The following CNTN4 variants were observed in gnomAD, a reference collection of about 807,000 sequenced individuals.
The protein encoded by CNTN4 is contactin-4.
Under a neutral mutation model 122.5 loss-of-function variants are expected in CNTN4, and 77 were observed. The observed-to-expected ratio is 0.63, with a 90% CI of 0.52 to 0.76. CNTN4 has a LOEUF of 0.76. Ranked by LOEUF, CNTN4 falls within the 30% of genes least tolerant of loss-of-function variation. CNTN4 has a pLI of 0.00. For missense variants in CNTN4, 1,256 were observed against 1,259.1 expected, an observed-to-expected ratio of 1.00 and a Z score of 0.04; for synonymous variants, 512 against 447.0, an observed-to-expected ratio of 1.15 and a Z score of -1.83.
At chr3:2,501,719 C>G (rs2076599207) in intron 3 of CNTN4, among the ~76,000 whole-genome samples, 1 of 152,168 alleles carries the variant, frequency 6.6e-6, no homozygotes, top group Non-Finnish European at 1.5e-5. Flanking sequence ...TCTAGGATAA[C>G]ATCCCATGTT....
rs965458583 is a variant in CNTN4 at position 2,917,086 on chromosome 3, G to A, written c.1208-8543G>A. ...AGGCCGAGGCTGGCGGATCACTCGC[G>A]GTTAGGAGCTGGAGACCAGCCCGGC... On this transcript the variant is annotated intron_variant, in intron 12 of 24. Coordinates refer to ENST00000418658, the MANE Select transcript of CNTN4 (RefSeq NM_175607.3). Among the ~76,000 whole-genome samples, 4 of 128,018 alleles carry A rather than the reference G, an allele frequency of 3.1e-5. 1 individual carries two copies. The highest frequency in any genetic ancestry group is 5.9e-5 in the African/African-American group (2 of 33,796). The allele number at this position is 128,018 out of a possible 152,430, so 84.0% of individuals were successfully genotyped here. A position where few individuals can be genotyped will look rare whatever the true frequency, so the allele number is the denominator to read the frequency against.
intron 2 of CNTN4, among the ~76,000 whole-genome samples, chr3:2,274,847 T>G (rs2041439556): frequency 6.6e-6 from 1 of 151,956 alleles, no homozygotes; most frequent in Non-Finnish European, 1.5e-5. Flanking sequence ...ATAAGGCTGG[T>G]TAATTCCTAG....
At chr3:2,461,529 G>A (rs918347533) in intron 3 of CNTN4, among the ~76,000 whole-genome samples, 3 of 152,092 alleles carry the variant, frequency 2.0e-5, no homozygotes, top group Admixed American at 6.5e-5. Context: ...TCCCACCCAC[G>A]TGGTCTGATT....
chr3:2,781,765 C>T (rs2091581403), intron 6 of CNTN4, among the ~76,000 whole-genome samples: 2 of 137,414 alleles, frequency 1.5e-5, no homozygotes, highest in African/African-American at 6.1e-5. Context: ...CGCTCTGTCG[C>T]CCAGGCTGGA....
At chr3:2,128,291 A>C (rs1020715622) in intron 2 of CNTN4, among the ~76,000 whole-genome samples, 1 of 152,232 alleles carries the variant, frequency 6.6e-6, no homozygotes, top group African/African-American at 2.4e-5. Flanking sequence ...AAAAGAAAAC[A>C]CATATTTCCA....
At chr3:2,718,471 G>T (rs1270867050) in intron 4 of CNTN4, among the ~76,000 whole-genome samples, 1 of 152,022 alleles carries the variant, frequency 6.6e-6, no homozygotes, top group African/African-American at 2.4e-5. Flanking sequence ...GATGCTTTTC[G>T]TGTCAAGATC....
chr3:3,056,464 CA>C lies in CNTN4; in HGVS notation c.*245del. On this transcript the variant is annotated 3_prime_UTR_variant, in exon 25 of 25. Transcript: ENST00000418658. ...CATCTGTAATATGATGTTACCAAAGCAGTTTACATATGTCCTTATATGCATA... is the reference window on the plus strand; with the variant it reads ...CATCTGTAATATGATGTTACCAAAGCGTTTACATATGTCCTTATATGCATA... The C allele has an allele frequency of 2.4e-6, 1 of 415,150 alleles. No individual in the cohort carries two copies. Among genetic ancestry groups the C allele is most frequent in the South Asian group, 3.0e-5 (1 of 32,828 alleles). 25.7% of individuals were successfully genotyped at this position (415,150 alleles called of 1,614,324 possible). A position where few individuals can be genotyped will look rare whatever the true frequency, so the allele number is the denominator to read the frequency against.
chr3:2,988,202 A>C, intron 13 of CNTN4, 143 bp from the exon 14 acceptor site: 1 of 760,822 alleles, frequency 1.3e-6, no homozygotes, highest in South Asian at 1.5e-5. Flanking sequence ...CAAATACCCT[A>C]AATAAAGATG....
In CNTN4 at chr3:2,250,865, A is replaced by G. The variant is rs541290220; in HGVS notation, c.-144-88313A>G. On this transcript the variant is annotated intron_variant, in intron 2 of 24. Coordinates refer to ENST00000418658, the MANE Select transcript of CNTN4 (RefSeq NM_175607.3). ...AATATAATACCTAGTAATTTAAAATAGAGCCTTTTACTGATTTTGCTCTAG... is the reference window on the plus strand; with the variant it reads ...AATATAATACCTAGTAATTTAAAATGGAGCCTTTTACTGATTTTGCTCTAG... 1.1e-3 allele frequency among the ~76,000 whole-genome samples: 160 copies of G among 152,018 alleles called. 1 individual carries two copies. Among genetic ancestry groups the G allele is most frequent in the Middle Eastern group, 6.8e-3 (2 of 294 alleles).
chr3:2,337,901 C>A (rs765292273), intron 2 of CNTN4, among the ~76,000 whole-genome samples: 3 of 151,938 alleles, frequency 2.0e-5, no homozygotes, highest in Admixed American at 6.6e-5. Context: ...GTAAATAGAG[C>A]TTTAGTTTTA....
At chr3:2,186,965 A>T (rs187801889) in intron 2 of CNTN4, among the ~76,000 whole-genome samples, 11 of 151,962 alleles carry the variant, frequency 7.2e-5, no homozygotes, top group African/African-American at 2.7e-4. Flanking sequence ...CTTTTGTTGC[A>T]ATTGCTTTTG....
chr3:2,347,408 A>ATATT (rs1247473844), intron 3 of CNTN4, among the ~76,000 whole-genome samples: 2 of 43,756 alleles, frequency 4.6e-5, no homozygotes, highest in Non-Finnish European at 5.2e-5. Context: ...AGGAAATACA[A>ATATT]TCTTTTTTTT....
intron 13 of CNTN4, among the ~76,000 whole-genome samples, chr3:2,965,888 A>T (rs1692254299): frequency 6.6e-6 from 1 of 152,166 alleles, no homozygotes; most frequent in Non-Finnish European, 1.5e-5. Context: ...TCCATGAAAA[A>T]TTATCATTGA....
intron 6 of CNTN4, among the ~76,000 whole-genome samples, chr3:2,789,349 ATT>A (rs2091936273): frequency 1.3e-5 from 2 of 152,234 alleles, no homozygotes; most frequent in Admixed American, 6.5e-5. Flanking sequence ...ATGTTTAGTT[ATT>A]ATTATGCACC....
At chr3:2,131,633 G>C (rs2034456098) in intron 2 of CNTN4, among the ~76,000 whole-genome samples, 1 of 152,180 alleles carries the variant, frequency 6.6e-6, no homozygotes, top group Non-Finnish European at 1.5e-5. Context: ...ATTCACGTGA[G>C]ACAGCACACT....
At chr3:2,526,886 G>T (rs2077416314) in intron 3 of CNTN4, among the ~76,000 whole-genome samples, 1 of 152,134 alleles carries the variant, frequency 6.6e-6, no homozygotes, top group Non-Finnish European at 1.5e-5. Flanking sequence ...TATGTGCAAT[G>T]AGAACCATCC....
chr3:2,705,072 T>C (rs868002769), intron 4 of CNTN4, among the ~76,000 whole-genome samples: 6 of 151,778 alleles, frequency 4.0e-5, no homozygotes, highest in African/African-American at 1.5e-4. Context: ...ATTTGTTATT[T>C]ATTAATTCCA....
At chr3:2,301,010 A>T (rs1401439933) in intron 2 of CNTN4, among the ~76,000 whole-genome samples, 1 of 152,138 alleles carries the variant, frequency 6.6e-6, no homozygotes, top group African/African-American at 2.4e-5. Context: ...TTTTGAAAAT[A>T]TTGCTGTTAT....
intron 2 of CNTN4, among the ~76,000 whole-genome samples, chr3:2,159,189 A>G (rs995982670): frequency 2.0e-5 from 3 of 152,182 alleles, no homozygotes; most frequent in African/African-American, 4.8e-5. Context: ...ATTATACTGT[A>G]TACTTTTGAC....
Sources: gnomAD v4.1 joint callset for allele counts (sites outside exome capture counted in the v4.1 genomes callset) on GRCh38, gnomAD v4.1.1 for gene constraint, MANE v1.5 for transcripts, NCBI Gene and HGNC (gene_info 2026-07-23, HGNC 2026-07-21) for gene names.